Variants in SLC39A13 observed in about 807,000 individuals in gnomAD.
The protein encoded by SLC39A13 is solute carrier family 39 member 13, also known as zinc transporter ZIP13.
A neutral mutation model predicts 38.7 loss-of-function variants in SLC39A13; 18 were observed. The ratio of observed to expected loss-of-function variants is 0.47; its 90% CI spans 0.32 to 0.69. The LOEUF is 0.69. Ranked by LOEUF, SLC39A13 falls within the 30% of genes least tolerant of loss-of-function variation. SLC39A13 has a pLI of 0.03. For missense variants in SLC39A13, 395 were observed against 490.7 expected, an observed-to-expected ratio of 0.80 and a Z score of 1.84; for synonymous variants, 212 against 219.1, an observed-to-expected ratio of 0.97 and a Z score of 0.29.
chr11:47,409,739 TC>T lies in SLC39A13; in HGVS notation c.-8-344del, dbSNP rs1395582308. 2.7e-5 allele frequency: 8 copies of T among 300,698 alleles called. 1 individual carries two copies. In the East Asian group the frequency reaches 5.0e-4, roughly 19 times the overall value. 18.6% of individuals were successfully genotyped at this position (300,698 alleles called of 1,614,324 possible). On this transcript the variant is annotated intron_variant, in intron 1 of 9. Transcript: ENST00000362021. ...CTGGGGTGTCGCGGGCGGCAGGGCCTCCCCTGGCAGCCAGAGACACCCAGCT... is the reference window on the plus strand; with the variant it reads ...CTGGGGTGTCGCGGGCGGCAGGGCCTCCCTGGCAGCCAGAGACACCCAGCT...
At chr11:47,415,199 G>T in intron 9 of SLC39A13, 40 bp downstream of exon 9, 2 of 1,612,206 alleles carry the variant, frequency 1.2e-6, no homozygotes, top group Non-Finnish European at 1.7e-6. Context: ...CCACTCACAG[G>T]GCCCTTAGGG....
intron 4 of SLC39A13, 66 bp downstream of exon 4, chr11:47,412,533 A>G: frequency 6.2e-7 from 1 of 1,610,262 alleles, no homozygotes; most frequent in Non-Finnish European, 8.5e-7. Context: ...CGGGGCCTGG[A>G]GGCCCAGGGT....
At chr11:47,408,312 C>A (rs1283522682), upstream of SLC39A13, among the ~76,000 whole-genome samples, 1 of 152,112 alleles carries the variant, frequency 6.6e-6, no homozygotes, top group Non-Finnish European at 1.5e-5. Flanking sequence ...CCCCGCAGAG[C>A]CGCCGCTTCC....
chr11:47,413,332 C>T, intron 4 of SLC39A13, 68 bp from the exon 5 acceptor site: 1 of 1,488,016 alleles, frequency 6.7e-7, no homozygotes, highest in East Asian at 2.3e-5. Context: ...CATCTCTCTC[C>T]CCTTCTGTCT....
chr11:47,412,445 G>A lies in SLC39A13; in HGVS notation c.515G>A (p.Ser172Asn), dbSNP rs1019518432. The change falls in exon 4 of 10, where the codon AGC becomes AAC. Residue 172 changes from serine (S) to asparagine (N), a missense_variant. By Grantham distance (46) the Ser-to-Asn change is conservative (BLOSUM62 1). Transcript: ENST00000362021. The stretch of plus-strand genomic sequence containing the variant: ...GCGTTGGAGAAGATGTTCCTGGACA[G>A]CAAGGAGGAGGGGACCAGCCAGGTG... ...FLALEKMFLD[S>N]KEEGTSQAPN... is the part of the protein sequence containing the mutation. 1 of 1,614,204 alleles carries A rather than the reference G, an allele frequency of 6.2e-7. No homozygotes were observed. Among genetic ancestry groups the A allele is most frequent in the Non-Finnish European group, 8.5e-7 (1 of 1,180,004 alleles).
At chr11:47,410,662 G>A (rs770105876) in intron 2 of SLC39A13, among the ~76,000 whole-genome samples, 2 of 152,084 alleles carry the variant, frequency 1.3e-5, no homozygotes, top group African/African-American at 2.4e-5. Flanking sequence ...GCTTTGTCCT[G>A]ACTACCCTTT....
At position 47,414,853 on chromosome 11, in the gene SLC39A13, TG is replaced by T; in HGVS notation, c.869del (p.Gly290AlafsTer17). The T allele has an allele frequency of 1.9e-6, 3 of 1,612,672 alleles. No homozygotes were observed. Among genetic ancestry groups the T allele is most frequent in the Non-Finnish European group, 1.7e-6 (2 of 1,179,990 alleles). ...GCCAAGCTGCAACTCTCAACAGCGCTGGGGGGCCTACTGGGCGCTGGCTTCG... is the reference window on the plus strand; with the variant it reads ...GCCAAGCTGCAACTCTCAACAGCGCTGGGGGCCTACTGGGCGCTGGCTTCG... ...SAAKLQLSTA[L>X]GGLLGAGFAI... On this transcript the variant is annotated frameshift_variant, in exon 8 of 10. Coordinates refer to ENST00000362021, the MANE Select transcript of SLC39A13 (RefSeq NM_001128225.3). LOFTEE classifies it high-confidence loss of function.
intron 2 of SLC39A13, among the ~76,000 whole-genome samples, 179 bp downstream of exon 2, chr11:47,410,574 GGAA>G (rs2095993831): frequency 6.6e-6 from 1 of 152,096 alleles, no homozygotes; most frequent in Non-Finnish European, 1.5e-5. Context: ...GGCTTCCCCA[GGAA>G]GCTATGAGCA....
chr11:47,409,384 G>A (rs1027201215), intron 1 of SLC39A13, among the ~76,000 whole-genome samples: 4 of 152,228 alleles, frequency 2.6e-5, no homozygotes, highest in Non-Finnish European at 4.4e-5. Flanking sequence ...TCACAGCTGA[G>A]GCAGGTGATA....
Position 47,415,456 on chromosome 11 carries a change from G to A in SLC39A13, c.*93G>A. ...TATGTGAGAGGCAGAGAGGGCGAGT[G>A]GCTGCGAGAGAGAATGAGCCTCCCG... is the stretch of plus-strand genomic sequence containing the variant. On this transcript the variant is annotated 3_prime_UTR_variant, in exon 10 of 10. Transcript: ENST00000362021. 1 of 1,428,228 alleles carries A rather than the reference G, an allele frequency of 7.0e-7. No homozygotes were observed. 88.5% of individuals were successfully genotyped at this position (1,428,228 alleles called of 1,614,324 possible).
intron 1 of SLC39A13, chr11:47,409,246 C>CAT (rs936298838): frequency 6.6e-6 from 1 of 152,396 alleles, no homozygotes; most frequent in Non-Finnish European, 1.5e-5. Flanking sequence ...CTCACGTCCA[C>CAT]ATCCTGTGAT....
In SLC39A13 at chr11:47,415,282, C is replaced by T; in HGVS notation, c.1041-6C>T. 6.2e-7 allele frequency: 1 copy of T among 1,614,000 alleles called. No homozygotes were observed. On this transcript the variant is annotated splice_region_variant and splice_polypyrimidine_tract_variant and intron_variant, in intron 9 of 9. Coordinates refer to ENST00000362021, the MANE Select transcript of SLC39A13 (RefSeq NM_001128225.3). ...GCCTCCACCGTGAGCCGTTCCCTCCCCACAGGCGCTCCCTGCAGCAGCTGC... is the reference window on the plus strand; with the variant it reads ...GCCTCCACCGTGAGCCGTTCCCTCCTCACAGGCGCTCCCTGCAGCAGCTGC...
intron 6 of SLC39A13, chr11:47,414,067 G>A (rs540825107): frequency 1.3e-5 from 8 of 613,034 alleles, no homozygotes; most frequent in South Asian, 3.9e-5. Flanking sequence ...TCCCGCCCAC[G>A]CTTCGAGCGG....
intron 2 of SLC39A13, among the ~76,000 whole-genome samples, chr11:47,411,190 G>A (rs1024176014): frequency 6.6e-6 from 1 of 152,210 alleles, no homozygotes; most frequent in Non-Finnish European, 1.5e-5. Context: ...TGGCTTTCAG[G>A]CAGGCGACTT....
chr11:47,411,706 G>T (rs1012154077), intron 2 of SLC39A13, among the ~76,000 whole-genome samples: 1 of 152,266 alleles, frequency 6.6e-6, no homozygotes, highest in African/African-American at 2.4e-5. Context: ...CTAGTGGGTT[G>T]GGAGCTGGGA....
chr11:47,415,235 G>T, intron 9 of SLC39A13, 53 bp from the exon 10 acceptor site: 1 of 1,613,166 alleles, frequency 6.2e-7, no homozygotes, highest in Non-Finnish European at 8.5e-7. Flanking sequence ...GCTCCTGGCC[G>T]CTGCCTGCTC....
At chr11:47,411,897 C>T (rs1419458126) in intron 2 of SLC39A13, 29 bp from the exon 3 acceptor site, 1 of 1,598,690 alleles carries the variant, frequency 6.3e-7, no homozygotes, top group Non-Finnish European at 8.5e-7. Flanking sequence ...AGCCAGTCAG[C>T]CCCCAGACCC....
At chr11:47,412,249 C>A in intron 3 of SLC39A13, 97 bp from the exon 4 acceptor site, 1 of 1,498,044 alleles carries the variant, frequency 6.7e-7, no homozygotes, top group Non-Finnish European at 9.0e-7. Flanking sequence ...CTTGTCACTG[C>A]CCTGGTGCCC....
intron 8 of SLC39A13, 45 bp from the exon 9 acceptor site, chr11:47,414,994 C>T (rs1403096605): frequency 3.7e-6 from 6 of 1,611,174 alleles, no homozygotes; most frequent in South Asian, 1.1e-5. Context: ...TGCTGGTCCC[C>T]AGGCCCGGGA....
Sources: gnomAD v4.1 joint callset for allele counts (sites outside exome capture counted in the v4.1 genomes callset) on GRCh38, gnomAD v4.1.1 for gene constraint, MANE v1.5 for transcripts, NCBI Gene and HGNC (gene_info 2026-07-23, HGNC 2026-07-21) for gene names.